The following ERC2 variants were observed in gnomAD, a reference collection of about 807,000 sequenced individuals.
ERC2 encodes ERC protein 2.
In ERC2, 42 loss-of-function variants were observed where a neutral mutation model predicts 114.8. The ratio of observed to expected loss-of-function variants is 0.37; its 90% CI spans 0.29 to 0.47. ERC2 has a LOEUF of 0.47. ERC2 is among the 20% of genes least tolerant of loss of function. The pLI, the probability that ERC2 is intolerant of heterozygous loss-of-function variation, is 0.99. For synonymous variants in ERC2, 454 were observed against 425.5 expected, an observed-to-expected ratio of 1.07 and a Z score of -0.82; for missense variants, 939 against 1,150.7, an observed-to-expected ratio of 0.82 and a Z score of 2.66.
At chr3:55,715,154 T>C (rs2064037411) in intron 15 of ERC2, among the ~76,000 whole-genome samples, 1 of 152,162 alleles carries the variant, frequency 6.6e-6, no homozygotes, top group South Asian at 2.1e-4. Context: ...CAAACTGCAA[T>C]GACAGGCATG....
chr3:56,015,231 G>C (rs1285747576), intron 8 of ERC2, among the ~76,000 whole-genome samples: 2 of 152,036 alleles, frequency 1.3e-5, no homozygotes, highest in African/African-American at 4.8e-5. Context: ...TACATTCTGG[G>C]ATACATGTGC....
chr3:55,800,503 C>T (rs1057335926), intron 14 of ERC2, among the ~76,000 whole-genome samples: 1 of 151,954 alleles, frequency 6.6e-6, no homozygotes, highest in Admixed American at 6.6e-5. Context: ...CAACTTCTAC[C>T]ATATAAAAAA....
At chr3:56,435,854 AAAC>A (rs1427370552) in intron 1 of ERC2, among the ~76,000 whole-genome samples, 3 of 152,232 alleles carry the variant, frequency 2.0e-5, no homozygotes, top group Non-Finnish European at 2.9e-5. Flanking sequence ...TTACCAGAGA[AAAC>A]AACAGTCCTG....
Position 55,640,982 on chromosome 3 carries a change from G to A in ERC2, c.*39+42812C>T, listed in dbSNP as rs59254465. Among the ~76,000 whole-genome samples, 200 of 152,250 alleles carry A rather than the reference G, an allele frequency of 1.3e-3. 1 individual carries two copies. The highest frequency in any genetic ancestry group is 4.4e-3 in the African/African-American group (184 of 41,540). Reference sequence around the variant, plus strand: ...TAGTAATTGGTTCATGGATAGGAACGCGACAAAAGTTGATACAATGACAAT... The same window carrying A: ...TAGTAATTGGTTCATGGATAGGAACACGACAAAAGTTGATACAATGACAAT... On this transcript the variant is annotated intron_variant, in intron 17 of 17. Coordinates refer to ENST00000288221, the MANE Select transcript of ERC2 (RefSeq NM_015576.3).
intron 17 of ERC2, among the ~76,000 whole-genome samples, chr3:55,643,603 A>G (rs2060274978): frequency 6.6e-6 from 1 of 152,232 alleles, no homozygotes; most frequent in Admixed American, 6.5e-5. Flanking sequence ...TTCCTACCTC[A>G]TAGGGTTATC....
At chr3:55,865,188 T>A (rs1045125484) in intron 14 of ERC2, among the ~76,000 whole-genome samples, 1 of 152,162 alleles carries the variant, frequency 6.6e-6, no homozygotes, top group Non-Finnish European at 1.5e-5. Context: ...CTCCTACAAC[T>A]AGGCCTGGTA....
intron 13 of ERC2, among the ~76,000 whole-genome samples, chr3:55,932,454 C>T (rs915486646): frequency 6.6e-6 from 1 of 152,118 alleles, no homozygotes; most frequent in African/African-American, 2.4e-5. Flanking sequence ...AGTAATTCTG[C>T]CTGGTTCATA....
At chr3:56,134,457 C>A (rs183799198) in intron 6 of ERC2, among the ~76,000 whole-genome samples, 1 of 152,038 alleles carries the variant, frequency 6.6e-6, no homozygotes, top group African/African-American at 2.4e-5. Context: ...GCCCAGAGAG[C>A]AAAGATTATT....
chr3:56,355,218 G>A (rs556924159), intron 2 of ERC2, among the ~76,000 whole-genome samples: 1 of 152,138 alleles, frequency 6.6e-6, no homozygotes, highest in Non-Finnish European at 1.5e-5. Flanking sequence ...GCACAAGTGG[G>A]AGTTATGTGT....
At chr3:55,848,550 G>A (rs746475762) in intron 14 of ERC2, among the ~76,000 whole-genome samples, 22 of 152,204 alleles carry the variant, frequency 1.4e-4, no homozygotes, top group East Asian at 3.9e-4. Flanking sequence ...TGGCACCTCC[G>A]CCGTCATCTC....
intron 1 of ERC2, among the ~76,000 whole-genome samples, chr3:56,464,928 A>AG (rs1375951410): frequency 6.6e-6 from 1 of 152,184 alleles, no homozygotes; most frequent in Admixed American, 6.5e-5. Context: ...AAACAAGCAA[A>AG]TGCAGATTGT....
At chr3:55,532,915 T>C (rs1352524421) in intron 17 of ERC2, among the ~76,000 whole-genome samples, 2 of 152,186 alleles carry the variant, frequency 1.3e-5, no homozygotes, top group Non-Finnish European at 2.9e-5. Context: ...GGTCCCTGGC[T>C]CTCACAGGGC....
At chr3:56,336,621 C>G (rs1008560012) in intron 2 of ERC2, among the ~76,000 whole-genome samples, 1 of 152,088 alleles carries the variant, frequency 6.6e-6, no homozygotes, top group Non-Finnish European at 1.5e-5. Flanking sequence ...TGGTGAAACC[C>G]CATCTCTACT....
At position 55,605,369 on chromosome 3, in the gene ERC2, TACAG is replaced by T. The variant is rs2058598995; in HGVS notation, c.*39+78421_*39+78424del. 2.0e-5 allele frequency among the ~76,000 whole-genome samples: 3 copies of T among 152,344 alleles called. No homozygotes were observed. In the South Asian group the frequency reaches 6.2e-4, roughly 32 times the overall value. ...CCTCAGCCTCCCCAGTCACTGGGAT[TACAG>T]ACATCAGCCACCATGACTGGTGAAA... On this transcript the variant is annotated intron_variant, in intron 17 of 17. Transcript: ENST00000288221.
chr3:55,583,549 C>G (rs1267176707), intron 17 of ERC2, among the ~76,000 whole-genome samples: 1 of 39,636 alleles, frequency 2.5e-5, no homozygotes, highest in East Asian at 1.6e-3. Context: ...TCCTTTCTTC[C>G]TTCCTTCCTT....
At chr3:56,004,358 T>C (rs1308394530) in intron 10 of ERC2, among the ~76,000 whole-genome samples, 1 of 152,074 alleles carries the variant, frequency 6.6e-6, no homozygotes, top group Non-Finnish European at 1.5e-5. Context: ...ATTTGGTTAG[T>C]ATCATTTTAT....
intron 2 of ERC2, among the ~76,000 whole-genome samples, chr3:56,349,584 G>C (rs1230529138): frequency 6.6e-6 from 1 of 152,204 alleles, no homozygotes. Flanking sequence ...CTTGAGGGTT[G>C]AGGGTGGGAG....
intron 17 of ERC2, among the ~76,000 whole-genome samples, chr3:55,528,613 T>G (rs2053481755): frequency 6.6e-6 from 1 of 152,246 alleles, no homozygotes; most frequent in African/African-American, 2.4e-5. Flanking sequence ...TCATGTTTCT[T>G]TGTTCAACAG....
At chr3:55,959,015 T>C (rs557543451) in intron 12 of ERC2, among the ~76,000 whole-genome samples, 3 of 152,190 alleles carry the variant, frequency 2.0e-5, no homozygotes, top group Non-Finnish European at 2.9e-5. Context: ...ACCCCAGCTG[T>C]GCCTCCCCAC....
Sources: gnomAD v4.1 joint callset for allele counts (sites outside exome capture counted in the v4.1 genomes callset) on GRCh38, gnomAD v4.1.1 for gene constraint, MANE v1.5 for transcripts, NCBI Gene and HGNC (gene_info 2026-07-23, HGNC 2026-07-21) for gene names.